Variants in KDM1B observed in about 807,000 individuals in gnomAD.
KDM1B encodes the protein lysine-specific histone demethylase 2.
Under a neutral mutation model 107.4 loss-of-function variants are expected in KDM1B, and 63 were observed. That is an observed-to-expected ratio of 0.59 (90% CI 0.48 to 0.72). KDM1B has a LOEUF of 0.72. KDM1B is among the 30% of genes least tolerant of loss of function. KDM1B has a pLI of 0.00. For missense variants in KDM1B, 749 were observed against 1,020.8 expected (o/e 0.73, Z 3.63); for synonymous variants, 363 against 363.9 (o/e 1.00, Z 0.03).
chr6:18,189,027 G>T (rs1364264169), intron 9 of KDM1B, among the ~76,000 whole-genome samples: 1 of 151,818 alleles, frequency 6.6e-6, no homozygotes, highest in African/African-American at 2.4e-5. Flanking sequence ...CAAGTGATCC[G>T]CCCCCTTCAG....
At chr6:18,219,194 G>A (rs551332058) in intron 21 of KDM1B, among the ~76,000 whole-genome samples, 4 of 152,124 alleles carry the variant, frequency 2.6e-5, no homozygotes, top group Non-Finnish European at 5.9e-5. Context: ...GAGCCACCGC[G>A]CCTGGCCTGG....
At chr6:18,183,623 C>T (rs1259349013) in intron 7 of KDM1B, among the ~76,000 whole-genome samples, 3 of 151,962 alleles carry the variant, frequency 2.0e-5, no homozygotes, top group Admixed American at 1.3e-4. Context: ...TTCTGAAACC[C>T]TAAGTAACAT....
At position 18,200,684 on chromosome 6, in the gene KDM1B, C is replaced by G. The variant is rs573679934; in HGVS notation, c.1359+108C>G. 1 of 896,456 alleles carries G rather than the reference C, an allele frequency of 1.1e-6. No homozygotes were observed. Among genetic ancestry groups the G allele is most frequent in the African/African-American group, 1.7e-5 (1 of 58,962 alleles). The allele number at this position is 896,456 out of a possible 1,614,324, so 55.5% of individuals were successfully genotyped here. On this transcript the variant is annotated intron_variant, in intron 13 of 21. Coordinates refer to ENST00000650836, the MANE Select transcript of KDM1B (RefSeq NM_001364614.2). This position sits in a 1 kb window ranked among gnomAD's most constrained non-coding sequence, Gnocchi z 4.3. ...TAAAGTAAATTACATATAACAGCCC[C>G]CTCATCTCCTATGCAAAGCAGTAAG...
At position 18,172,923 on chromosome 6, in the gene KDM1B, C is replaced by G. The variant is rs1268346856; in HGVS notation, c.534+1444C>G. Among the ~76,000 whole-genome samples the G allele has an allele frequency of 1.3e-5, 2 of 151,800 alleles. No individual in the cohort carries two copies. The highest frequency in any genetic ancestry group is 4.8e-5 in the African/African-American group (2 of 41,300). ...TGGCCAACATGTTGAAACCCTGTCT[C>G]TAGTAAAAATATAAAAATTAGCCCA... On this transcript the variant is annotated intron_variant, in intron 7 of 21. Transcript: ENST00000650836. The surrounding 1 kb of genome is among the most constrained non-coding windows in gnomAD (Gnocchi z 5.2).
rs1788222406 is a variant in KDM1B, at chr6:18,204,164, A to G, written c.1532-1373A>G. On this transcript the variant is annotated intron_variant, in intron 14 of 21. Transcript: ENST00000650836. The surrounding 1 kb of genome is among the most constrained non-coding windows in gnomAD (Gnocchi z 4.9). ...AAAAAAAAAATATTTGAAGTAACTGATACTCAGTTCTGCTTCTAGTCAGAG... is the reference window on the plus strand; with the variant it reads ...AAAAAAAAAATATTTGAAGTAACTGGTACTCAGTTCTGCTTCTAGTCAGAG... 6.6e-6 allele frequency among the ~76,000 whole-genome samples: 1 copy of G among 152,106 alleles called. No homozygotes were observed. The highest frequency in any genetic ancestry group is 1.5e-5 in the Non-Finnish European group (1 of 68,016).
intron 16 of KDM1B, 23 bp downstream of exon 16, chr6:18,207,552 C>T: frequency 2.5e-6 from 4 of 1,613,384 alleles, no homozygotes; most frequent in Non-Finnish European, 3.4e-6. Flanking sequence ...TGCTGGGAGG[C>T]TCTGGCTCGC....
At chr6:18,183,924 G>C (rs1786656034) in intron 7 of KDM1B, among the ~76,000 whole-genome samples, 1 of 152,064 alleles carries the variant, frequency 6.6e-6, no homozygotes, top group African/African-American at 2.4e-5. Flanking sequence ...GAATGTCTTT[G>C]AAATACAGTC....
chr6:18,157,173 T>C (rs1182319937), intron 2 of KDM1B, among the ~76,000 whole-genome samples: 1 of 152,172 alleles, frequency 6.6e-6, no homozygotes. Flanking sequence ...GGAAGACATT[T>C]TAGTATACTA....
At chr6:18,206,957 C>T (rs973366960) in intron 15 of KDM1B, among the ~76,000 whole-genome samples, 6 of 152,158 alleles carry the variant, frequency 3.9e-5, no homozygotes, top group Admixed American at 3.3e-4. Flanking sequence ...ATTTCAGAGG[C>T]CCCTTTGGGA....
chr6:18,215,234 G>C, intron 20 of KDM1B, 105 bp downstream of exon 20: 1 of 1,310,912 alleles, frequency 7.6e-7, no homozygotes, highest in Non-Finnish European at 1.0e-6. Context: ...AGGAAGGAAG[G>C]CAGAGGCCAC....
intron 21 of KDM1B, among the ~76,000 whole-genome samples, chr6:18,219,837 C>T (rs540791054): frequency 6.6e-6 from 1 of 152,306 alleles, no homozygotes; most frequent in Admixed American, 6.5e-5. Flanking sequence ...AAGCTCAGCC[C>T]CTGGCACTGT....
chr6:18,217,513 G>A (rs1279648642), intron 20 of KDM1B, among the ~76,000 whole-genome samples: 2 of 151,746 alleles, frequency 1.3e-5, no homozygotes, highest in African/African-American at 4.8e-5. Context: ...CGAGTAGCTG[G>A]GACTACAGGC....
At position 18,198,914 on chromosome 6, in the gene KDM1B, A is replaced by G. The variant is rs1487175654; in HGVS notation, c.1221+1253A>G. 3.4e-5 allele frequency among the ~76,000 whole-genome samples: 5 copies of G among 147,982 alleles called. No homozygotes were observed. The South Asian group carries it at 8.9e-4, about 26-fold the overall frequency. On this transcript the variant is annotated intron_variant, in intron 12 of 21. Coordinates refer to ENST00000650836, the MANE Select transcript of KDM1B (RefSeq NM_001364614.2). ...TGGGCACAGTGGCTCAGTGCCTGTA[A>G]TCCCAGCACTTTGGGAGGCCGAGGT...
At chr6:18,190,826 G>A (rs1787232823) in intron 9 of KDM1B, among the ~76,000 whole-genome samples, 1 of 151,882 alleles carries the variant, frequency 6.6e-6, no homozygotes. Flanking sequence ...CTTGGACCCA[G>A]GAGATGGAGG....
intron 3 of KDM1B, among the ~76,000 whole-genome samples, chr6:18,161,099 T>G (rs12199429): frequency 0.31 from 47,271 of 151,964 alleles, 7,885 homozygotes; most frequent in East Asian, 0.52. Context: ...TTTAGTTCTT[T>G]GCTTAGACAT....
intron 7 of KDM1B, among the ~76,000 whole-genome samples, chr6:18,183,407 C>G (rs896006358): frequency 6.6e-6 from 1 of 151,310 alleles, no homozygotes; most frequent in African/African-American, 2.4e-5. Flanking sequence ...AGCTGGTGCC[C>G]GCCACCACAC....
intron 9 of KDM1B, among the ~76,000 whole-genome samples, chr6:18,188,682 C>G (rs1168998433): frequency 1.3e-5 from 2 of 152,116 alleles, no homozygotes; most frequent in Admixed American, 6.5e-5. Flanking sequence ...GACACTATCT[C>G]AGCTCACTGC....
rs184629125 is a variant in KDM1B at position 18,212,296 on chromosome 6, G to T, written c.1867-192G>T. The T allele has an allele frequency of 1.3e-4, 81 of 609,852 alleles. No homozygotes were observed. Among genetic ancestry groups the T allele is most frequent in the African/African-American group, 1.2e-3 (65 of 54,294 alleles). The allele number at this position is 609,852 out of a possible 1,614,324, so 37.8% of individuals were successfully genotyped here. A position where few individuals can be genotyped will look rare whatever the true frequency, so the allele number is the denominator to read the frequency against. On this transcript the variant is annotated intron_variant, in intron 17 of 21. Transcript: ENST00000650836. The surrounding 1 kb of genome is among the most constrained non-coding windows in gnomAD (Gnocchi z 5.2). ...ATTATTCACCATCAGGACGTTTTTT[G>T]CCCACTCTTCCCTGTGGTTGCCACT...
rs777178629 is a variant in KDM1B, at chr6:18,213,791, T to A, written c.2109+10T>A. ...TGACATGGATCCCCAGGTAAAATCA[T>A]TCGTGAACTGTGGTTTGAATTTCCG... is the stretch of plus-strand genomic sequence containing the variant. On this transcript the variant is annotated intron_variant, in intron 19 of 21. Transcript: ENST00000650836. This position sits in a 1 kb window ranked among gnomAD's most constrained non-coding sequence, Gnocchi z 5.9. 3 of 1,613,824 alleles carry A rather than the reference T, an allele frequency of 1.9e-6. No homozygotes were observed. The African/African-American group carries it at 4.0e-5, about 22-fold the overall frequency.
Sources: allele counts gnomAD v4.1 joint callset (sites outside exome capture counted in the v4.1 genomes callset), GRCh38; gene constraint gnomAD v4.1.1; non-coding constraint Gnocchi (gnomAD v3.1); transcripts MANE v1.5; gene names NCBI Gene and HGNC (gene_info 2026-07-23, HGNC 2026-07-21).